DIPK2B: variants seen among roughly 807,000 people sequenced by gnomAD.
DIPK2B encodes divergent protein kinase domain 2B.
Under a neutral mutation model 22.2 loss-of-function variants are expected in DIPK2B, and 15 were observed. That is an observed-to-expected ratio of 0.68 (90% CI 0.45 to 1.04). The LOEUF (loss-of-function observed/expected upper bound fraction) is 1.04, where lower values mean the gene tolerates loss of function less well. Ranked by LOEUF, DIPK2B falls within the 50% of genes least tolerant of loss-of-function variation. DIPK2B has a pLI of 0.00. For missense variants in DIPK2B, 345 were observed against 348.3 expected (o/e 0.99, Z 0.08); for synonymous variants, 163 against 153.2 (o/e 1.06, Z -0.47).
At chrX:45,158,195 G>A (rs1569544428) in intron 2 of DIPK2B, among the ~76,000 whole-genome samples, 1 of 110,064 alleles carries the variant, frequency 9.1e-6, no homozygotes, top group Non-Finnish European at 1.9e-5. Context: ...TCGGGGCGGG[G>A]CCACAGAGAC....
rs575361730 is a variant in DIPK2B at position 45,154,811 on chromosome X, CT to C, written c.673-614del. On this transcript the variant is annotated intron_variant, in intron 3 of 4. Coordinates refer to ENST00000398000, the MANE Select transcript of DIPK2B (RefSeq NM_176819.4). ...AACTTAAGTCTGATTTAAAGCAAAA[CT>C]TTTTTTTTTTTTTAAGAGACAAGGT... Among the ~76,000 whole-genome samples the C allele has an allele frequency of 6.7e-3, 674 of 100,156 alleles. 4 individuals are homozygous for C. Among genetic ancestry groups the C allele is most frequent in the African/African-American group, 0.017 (456 of 26,875 alleles). The allele number at this position is 100,156 out of a possible 115,157, so 87.0% of individuals were successfully genotyped here.
chrX:45,177,399 A>T (rs1340657093), intron 2 of DIPK2B, among the ~76,000 whole-genome samples: 1 of 110,479 alleles, frequency 9.1e-6, no homozygotes, highest in African/African-American at 3.3e-5. Context: ...TGGATCCTTC[A>T]TGAATAGATT....
chrX:45,156,211 A>C (rs1378769271), intron 3 of DIPK2B, among the ~76,000 whole-genome samples: 1 of 109,187 alleles, frequency 9.2e-6, no homozygotes, highest in Non-Finnish European at 1.9e-5. Flanking sequence ...ACCTCAGGTG[A>C]CCCGCCCACC....
At chrX:45,163,253 C>A (rs1216138840) in intron 2 of DIPK2B, 1 of 284,826 alleles carries the variant, frequency 3.5e-6, no homozygotes, top group Non-Finnish European at 4.7e-6. Context: ...TTACAGATTG[C>A]AGGCCTACCA....
At chrX:45,165,402 A>C (rs2047042861) in intron 2 of DIPK2B, among the ~76,000 whole-genome samples, 1 of 111,943 alleles carries the variant, frequency 8.9e-6, no homozygotes, top group African/African-American at 3.3e-5. Context: ...AGGAAATCAT[A>C]GCTGCTTGAA....
rs1163116653 is a variant in DIPK2B, at chrX:45,167,927, C to T, written c.499-10039G>A. ...CTTGAACTCCTGACCTCAGGTGATC[C>T]GCCTGCCTTGGCCTCCCAAACTGCT... is the stretch of plus-strand genomic sequence containing the variant. On this transcript the variant is annotated intron_variant, in intron 2 of 4. Coordinates refer to ENST00000398000, the MANE Select transcript of DIPK2B (RefSeq NM_176819.4). 1.9e-4 allele frequency among the ~76,000 whole-genome samples: 21 copies of T among 112,532 alleles called. No individual in the cohort carries two copies. The Admixed American group carries it at 2.0e-3, about 11-fold the overall frequency.
chrX:45,159,448 G>A (rs779166467), intron 2 of DIPK2B, among the ~76,000 whole-genome samples: 11 of 111,540 alleles, frequency 9.9e-5, no homozygotes, highest in Non-Finnish European at 2.1e-4. Context: ...ACAGTACACC[G>A]GGTGAGAGGT....
intron 2 of DIPK2B, among the ~76,000 whole-genome samples, chrX:45,190,412 A>G (rs543004660): frequency 1.8e-5 from 2 of 111,653 alleles, no homozygotes; most frequent in East Asian, 2.8e-4. Context: ...TCCAAGGTCA[A>G]TTGGTCAGGG....
In DIPK2B at chrX:45,151,772, G is replaced by A. The variant is rs1386277264; in HGVS notation, c.1182C>T (p.Arg394=). The change falls in exon 5 of 5, where the codon CGC becomes CGT. Residue 394 remains arginine, a synonymous_variant. Coordinates refer to ENST00000398000, the MANE Select transcript of DIPK2B (RefSeq NM_176819.4). ...SILVQCGDSI[R]PDPEVLGAAS... is the part of the protein sequence containing the mutation. ...CGGCCCCAAGGACTTCTGGGTCTGG[G>A]CGGATGCTGTCCCCACACTGAACAA... The A allele has an allele frequency of 4.1e-6, 5 of 1,212,037 alleles. No individual in the cohort carries two copies. The highest frequency in any genetic ancestry group is 2.2e-5 in the Admixed American group (1 of 46,082).
intron 2 of DIPK2B, among the ~76,000 whole-genome samples, chrX:45,178,315 G>C (rs1271794383): frequency 8.9e-6 from 1 of 112,079 alleles, no homozygotes; most frequent in Non-Finnish European, 1.9e-5. Context: ...CTATATTTAG[G>C]ATTTTGATAT....
At chrX:45,200,515 T>C in intron 1 of DIPK2B, 79 bp downstream of exon 1, 1 of 945,674 alleles carries the variant, frequency 1.1e-6, no homozygotes, top group African/African-American at 1.9e-5. Context: ...TCCTGATTCC[T>C]TTTCAACAAA....
intron 1 of DIPK2B, among the ~76,000 whole-genome samples, chrX:45,192,646 AC>A (rs1445536360): frequency 8.9e-6 from 1 of 111,813 alleles, no homozygotes; most frequent in East Asian, 2.8e-4. Flanking sequence ...AGTCTTCAGC[AC>A]CAACAAAGTC....
At chrX:45,200,365 GC>G (rs1239140651) in intron 1 of DIPK2B, among the ~76,000 whole-genome samples, 3 of 112,141 alleles carry the variant, frequency 2.7e-5, no homozygotes, top group Non-Finnish European at 5.6e-5. Flanking sequence ...AAAACTTCAA[GC>G]TTTCAGTTCA....
chrX:45,197,074 C>T (rs2047242545), intron 1 of DIPK2B, among the ~76,000 whole-genome samples: 1 of 111,893 alleles, frequency 8.9e-6, no homozygotes, highest in African/African-American at 3.3e-5. Context: ...CGATTTGTTG[C>T]TGAACAGATG....
At chrX:45,155,585 A>T in intron 3 of DIPK2B, among the ~76,000 whole-genome samples, 1 of 109,375 alleles carries the variant, frequency 9.1e-6, no homozygotes, top group Non-Finnish European at 1.9e-5. Context: ...CCGTGGGTGA[A>T]TCTGTCTGGC....
chrX:45,159,239 GCAA>G (rs930608445), intron 2 of DIPK2B, among the ~76,000 whole-genome samples: 1 of 111,703 alleles, frequency 9.0e-6, no homozygotes, highest in African/African-American at 3.3e-5. Context: ...ATTGACCAGA[GCAA>G]CAACAACAAT....
intron 2 of DIPK2B, among the ~76,000 whole-genome samples, chrX:45,187,823 G>C (rs761811974): frequency 9.0e-6 from 1 of 110,604 alleles, no homozygotes; most frequent in Admixed American, 9.7e-5. Context: ...TCTCTGCCTT[G>C]TCAGTTCTCT....
intron 2 of DIPK2B, among the ~76,000 whole-genome samples, chrX:45,168,534 G>C (rs1333089919): frequency 8.9e-6 from 1 of 112,202 alleles, no homozygotes; most frequent in African/African-American, 3.2e-5. Context: ...CCTTTCCTTG[G>C]GCGGAGCTTC....
intron 1 of DIPK2B, among the ~76,000 whole-genome samples, chrX:45,196,234 A>C (rs1427052949): frequency 1.7e-4 from 19 of 111,402 alleles, no homozygotes; most frequent in African/African-American, 6.2e-4. Flanking sequence ...GGTGGGATGC[A>C]CAGTGTGATG....
Sources: gnomAD v4.1 joint callset for allele counts (sites outside exome capture counted in the v4.1 genomes callset) on GRCh38, gnomAD v4.1.1 for gene constraint, MANE v1.5 for transcripts, NCBI Gene and HGNC (gene_info 2026-07-23, HGNC 2026-07-21) for gene names.